The following SMAD9 variants were observed in gnomAD, a reference collection of about 807,000 sequenced individuals.
The protein encoded by SMAD9 is MAD homolog 9.
In SMAD9, 36 loss-of-function variants were observed where a neutral mutation model predicts 46.1. That is an observed-to-expected ratio of 0.78 (90% CI 0.60 to 1.03). The LOEUF (loss-of-function observed/expected upper bound fraction) is 1.03. Ranked by LOEUF, SMAD9 falls within the 50% of genes least tolerant of loss-of-function variation. The probability of loss-of-function intolerance (pLI) is 0.00; values close to 1 mark genes in which losing one functional copy is unlikely to be tolerated. For synonymous variants in SMAD9, 245 were observed against 237.1 expected (o/e 1.03, Z -0.31); for missense variants, 572 against 599.8 (o/e 0.95, Z 0.48).
intron 1 of SMAD9, among the ~76,000 whole-genome samples, chr13:36,902,611 G>A (rs1242741401): frequency 6.6e-6 from 1 of 151,664 alleles, no homozygotes; most frequent in African/African-American, 2.4e-5. Flanking sequence ...CCGCCACCAC[G>A]CCCATCTAAT....
Position 36,844,979 on chromosome 13 carries a change from T to C in SMAD9, c.*3697A>G, listed in dbSNP as rs1346804184. 1 of 152,210 alleles carries C rather than the reference T, an allele frequency of 6.6e-6. No homozygotes were observed. The highest frequency in any genetic ancestry group is 1.5e-5 in the Non-Finnish European group (1 of 68,034). The allele number at this position is 152,210 out of a possible 1,614,324, so 9.4% of individuals were successfully genotyped here. Reference sequence around the variant, plus strand: ...TTGTTGTTAATCTGTTTTACATTAATTTGAATTTAACATATGCTAGGATCA... The same window carrying C: ...TTGTTGTTAATCTGTTTTACATTAACTTGAATTTAACATATGCTAGGATCA... On this transcript the variant is annotated 3_prime_UTR_variant, in exon 7 of 7. Coordinates refer to ENST00000379826, the MANE Select transcript of SMAD9 (RefSeq NM_001127217.3).
chr13:36,852,491 C>T (rs2058082745), intron 6 of SMAD9: 1 of 985,272 alleles, frequency 1.0e-6, no homozygotes, highest in East Asian at 1.1e-4. Context: ...TAAGAAACTT[C>T]CTTGGTTCTC....
chr13:36,853,146 G>C (rs147665627), intron 6 of SMAD9, among the ~76,000 whole-genome samples: 1 of 152,130 alleles, frequency 6.6e-6, no homozygotes, highest in African/African-American at 2.4e-5. Context: ...TCAGCCAAGC[G>C]TGGTGGTGCG....
At chr13:36,858,310 T>G (rs1450613809) in intron 5 of SMAD9, among the ~76,000 whole-genome samples, 1 of 152,262 alleles carries the variant, frequency 6.6e-6, no homozygotes, top group Non-Finnish European at 1.5e-5. Flanking sequence ...CCTACCGTTG[T>G]GCACTGCACA....
At chr13:36,872,289 G>A (rs1047054663) in intron 3 of SMAD9, among the ~76,000 whole-genome samples, 14 of 151,018 alleles carry the variant, frequency 9.3e-5, no homozygotes, top group African/African-American at 2.9e-4. Context: ...TAAAGGCCTA[G>A]CATTGATCTT....
At chr13:36,917,252 T>C (rs2058705435) in intron 1 of SMAD9, among the ~76,000 whole-genome samples, 1 of 152,206 alleles carries the variant, frequency 6.6e-6, no homozygotes, top group South Asian at 2.1e-4. Flanking sequence ...TACCGGAATA[T>C]TTATTTTAAA....
intron 1 of SMAD9, among the ~76,000 whole-genome samples, chr13:36,912,260 C>T (rs2058667744): frequency 6.6e-6 from 1 of 152,184 alleles, no homozygotes; most frequent in Admixed American, 6.5e-5. Flanking sequence ...CTTCCTTCCA[C>T]CTTACCCTAC....
intron 1 of SMAD9, among the ~76,000 whole-genome samples, chr13:36,909,899 A>C (rs1003664639): frequency 1.3e-5 from 2 of 152,194 alleles, no homozygotes; most frequent in African/African-American, 2.4e-5. Flanking sequence ...GAGGTGCCCC[A>C]AAAATTAAAA....
chr13:36,851,710 G>T, intron 6 of SMAD9: 1 of 970,514 alleles, frequency 1.0e-6, no homozygotes, highest in Non-Finnish European at 1.2e-6. Flanking sequence ...GGTAGCTACA[G>T]CTGCTCATCT....
At chr13:36,896,466 A>G (rs2058529762) in intron 1 of SMAD9, among the ~76,000 whole-genome samples, 2 of 152,028 alleles carry the variant, frequency 1.3e-5, no homozygotes, top group South Asian at 4.2e-4. Flanking sequence ...TTCAAAAACA[A>G]CTCTTCCTCT....
intron 1 of SMAD9, among the ~76,000 whole-genome samples, chr13:36,908,480 C>A (rs1454452197): frequency 6.6e-6 from 1 of 152,124 alleles, no homozygotes; most frequent in Non-Finnish European, 1.5e-5. Flanking sequence ...TCACAAAATT[C>A]AAAATTCATT....
intron 1 of SMAD9, among the ~76,000 whole-genome samples, chr13:36,913,766 C>A (rs2058678434): frequency 1.3e-5 from 2 of 152,152 alleles, no homozygotes; most frequent in Non-Finnish European, 2.9e-5. Context: ...AAATAAAATT[C>A]TACTTCCACT....
intron 5 of SMAD9, among the ~76,000 whole-genome samples, chr13:36,857,629 A>G (rs1277056556): frequency 6.6e-6 from 1 of 152,096 alleles, no homozygotes; most frequent in Non-Finnish European, 1.5e-5. Flanking sequence ...ATGACAGGAA[A>G]TGACTGGGAA....
intron 1 of SMAD9, among the ~76,000 whole-genome samples, chr13:36,900,913 C>T (rs1483692262): frequency 6.6e-6 from 1 of 150,844 alleles, no homozygotes; most frequent in Non-Finnish European, 1.5e-5. Flanking sequence ...ACCCTATACA[C>T]ATTCAGCAGT....
chr13:36,905,386 TAC>T (rs550076185), intron 1 of SMAD9, among the ~76,000 whole-genome samples: 1 of 152,170 alleles, frequency 6.6e-6, no homozygotes, highest in Non-Finnish European at 1.5e-5. Flanking sequence ...TTTTGTTAGT[TAC>T]AGTTACTGCC....
chr13:36,918,778 T>C (rs1178519857), intron 1 of SMAD9, among the ~76,000 whole-genome samples: 2 of 152,270 alleles, frequency 1.3e-5, no homozygotes, highest in African/African-American at 4.8e-5. Flanking sequence ...AATGTAAACA[T>C]CCAAAGGCAT....
intron 5 of SMAD9, among the ~76,000 whole-genome samples, chr13:36,854,244 C>G (rs917228420): frequency 1.3e-5 from 2 of 152,166 alleles, no homozygotes; most frequent in African/African-American, 4.8e-5. Flanking sequence ...TCAGTAAGGT[C>G]TCATATACTA....
chr13:36,914,613 C>G (rs2138712719), intron 1 of SMAD9, among the ~76,000 whole-genome samples: 1 of 152,346 alleles, frequency 6.6e-6, no homozygotes, highest in South Asian at 2.1e-4. Context: ...CTGTGATTCT[C>G]AGCAAAGAAA....
chr13:36,872,954 T>C lies in SMAD9; in HGVS notation c.413-39A>G, dbSNP rs373783186. The C allele has an allele frequency of 5.6e-6, 9 of 1,611,764 alleles. No homozygotes were observed. The African/African-American group carries it at 1.1e-4, about 19-fold the overall frequency. On this transcript the variant is annotated intron_variant, in intron 2 of 6. Coordinates refer to ENST00000379826, the MANE Select transcript of SMAD9 (RefSeq NM_001127217.3). ...GGAACAAGGCAGTTAGAATTGAACATTGCTCATCAGTACACAACAGAGTGG... is the reference window on the plus strand; with the variant it reads ...GGAACAAGGCAGTTAGAATTGAACACTGCTCATCAGTACACAACAGAGTGG...
Sources: gnomAD v4.1 joint callset for allele counts (sites outside exome capture counted in the v4.1 genomes callset) on GRCh38, gnomAD v4.1.1 for gene constraint, MANE v1.5 for transcripts, NCBI Gene and HGNC (gene_info 2026-07-23, HGNC 2026-07-21) for gene names.